The following LAMA1 variants were observed in gnomAD, a reference collection of about 807,000 sequenced individuals.
LAMA1 encodes the protein laminin subunit alpha 1.
A neutral mutation model predicts 348.7 loss-of-function variants in LAMA1; 219 were observed. The ratio of observed to expected loss-of-function variants is 0.63; its 90% CI spans 0.56 to 0.70. The LOEUF (loss-of-function observed/expected upper bound fraction) is 0.70, where lower values mean the gene tolerates loss of function less well. Ranked by LOEUF, LAMA1 falls within the 30% of genes least tolerant of loss-of-function variation. The probability of loss-of-function intolerance (pLI) is 0.00; values close to 1 mark genes in which losing one functional copy is unlikely to be tolerated. For synonymous variants in LAMA1, 1,487 were observed against 1,491.0 expected (o/e 1.00, Z 0.06); for missense variants, 3,744 against 3,888.0 (o/e 0.96, Z 0.99).
At chr18:7,098,988 C>T (rs1327859587) in intron 1 of LAMA1, among the ~76,000 whole-genome samples, 2 of 152,164 alleles carry the variant, frequency 1.3e-5, no homozygotes, top group African/African-American at 4.8e-5. Flanking sequence ...TCATTGAGAA[C>T]AGGCCATGAT....
At chr18:7,067,943 C>T (rs1170895331) in intron 3 of LAMA1, among the ~76,000 whole-genome samples, 1 of 151,946 alleles carries the variant, frequency 6.6e-6, no homozygotes, top group Non-Finnish European at 1.5e-5. Context: ...AAACTCTGCC[C>T]CCTGGGTTCA....
At position 7,037,670 on chromosome 18, in the gene LAMA1, G is replaced by A. The variant is rs771815058; in HGVS notation, c.1645C>T (p.Arg549Cys). The A allele has an allele frequency of 1.4e-5, 22 of 1,614,010 alleles. No homozygotes were observed. Among genetic ancestry groups the A allele is most frequent in the South Asian group, 3.3e-5 (3 of 91,086 alleles). The change falls in exon 12 of 63, where the codon CGC (arginine) becomes TGC (cysteine). Residue 549 changes from arginine (R) to cysteine (C), a missense_variant. By Grantham distance (180) the Arg-to-Cys change is radical (BLOSUM62 -3). Around this residue, in one of 3 missense-constraint regions of LAMA1, gnomAD observed 1,529 missense variants for 1,689.4 expected, o/e 0.91. Transcript: ENST00000389658. ...GTGTTGTTGATGCTGACCTGATGGC[G>A]CCCGCCTAGTGCATCTTGCTGAGAC... ...IPSQQDALGG[R>C]HQVSINNTAV...
intron 32 of LAMA1, among the ~76,000 whole-genome samples, 177 bp from the exon 33 acceptor site, chr18:6,998,061 G>A (rs532797225): frequency 1.3e-5 from 2 of 152,094 alleles, no homozygotes; most frequent in South Asian, 2.1e-4. Flanking sequence ...TGGGTGGCAC[G>A]GCAGGAAGTG....
At chr18:6,942,863 T>C (rs2057505463) in intron 62 of LAMA1, among the ~76,000 whole-genome samples, 1 of 152,170 alleles carries the variant, frequency 6.6e-6, no homozygotes, top group Admixed American at 6.5e-5. Context: ...CACAAGTTTG[T>C]TTCCTAAAAC....
In LAMA1 at chr18:7,008,599, G is replaced by A; in HGVS notation, c.4011C>T (p.Asp1337=). 2 of 1,613,954 alleles carry A rather than the reference G, an allele frequency of 1.2e-6. No individual in the cohort carries two copies. Among genetic ancestry groups the A allele is most frequent in the East Asian group, 4.5e-5 (2 of 44,854 alleles). ...CCTTTCTGCCAACCTCCATTGAAAT[G>A]TCTGAGATTCTGTGCAGCCATCATG... The part of the protein sequence containing the change: ...GQGLQQSRIS[D]ISMEVGRKAE... Residue 1337 remains aspartate, a synonymous_variant, in exon 28 of 63, where the codon GAC becomes GAT. Transcript: ENST00000389658.
At chr18:7,068,156 A>G (rs766497199) in intron 3 of LAMA1, among the ~76,000 whole-genome samples, 9 of 152,154 alleles carry the variant, frequency 5.9e-5, no homozygotes, top group South Asian at 4.1e-4. Flanking sequence ...CCCGGCCTGC[A>G]TTGTTTCTCT....
At chr18:7,005,474 C>T (rs1445295770) in intron 29 of LAMA1, among the ~76,000 whole-genome samples, 1 of 152,168 alleles carries the variant, frequency 6.6e-6, no homozygotes, top group Non-Finnish European at 1.5e-5. Context: ...GACAGCCGGG[C>T]GTGATGGCTC....
chr18:7,075,893 C>T lies in LAMA1; in HGVS notation c.345+4082G>A, dbSNP rs148228813. ...CAGAGGTTGCAGTGAGCCGAGATCACGCCAATGCACTCCAGCCTGGGCGAC... is the reference window on the plus strand; with the variant it reads ...CAGAGGTTGCAGTGAGCCGAGATCATGCCAATGCACTCCAGCCTGGGCGAC... On this transcript the variant is annotated intron_variant, in intron 3 of 62. Coordinates refer to ENST00000389658, the MANE Select transcript of LAMA1 (RefSeq NM_005559.4). Among the ~76,000 whole-genome samples, 636 of 151,180 alleles carry T rather than the reference C, an allele frequency of 4.2e-3. 5 individuals are homozygous for T. The highest frequency in any genetic ancestry group is 0.014 in the African/African-American group (572 of 41,120).
intron 3 of LAMA1, among the ~76,000 whole-genome samples, chr18:7,057,336 T>C (rs2058085662): frequency 6.6e-6 from 1 of 152,120 alleles, no homozygotes; most frequent in East Asian, 1.9e-4. Flanking sequence ...TCTTAAGCAC[T>C]ATGCTGCACT....
At chr18:6,965,242 T>A (rs754794367) in intron 50 of LAMA1, 46 bp downstream of exon 50, 1 of 1,612,562 alleles carries the variant, frequency 6.2e-7, no homozygotes, top group Admixed American at 1.7e-5. Context: ...AGATTTCTAT[T>A]CTTATGAGGG....
At chr18:7,031,686 A>AATAAATAAATAAATAAATAC (rs1326331529) in intron 16 of LAMA1, among the ~76,000 whole-genome samples, 2 of 151,800 alleles carry the variant, frequency 1.3e-5, no homozygotes, top group Non-Finnish European at 2.9e-5. Context: ...GTCTCAAATA[A>AATAAATAAATAAATAAATAC]ATAAATAAAT....
intron 61 of LAMA1, among the ~76,000 whole-genome samples, chr18:6,944,208 GTT>G (rs765908280): frequency 3.9e-5 from 6 of 152,108 alleles, no homozygotes; most frequent in Non-Finnish European, 8.8e-5. Flanking sequence ...TAGAGACAGG[GTT>G]TCACCATGTT....
chr18:7,098,175 C>T (rs2058270800), intron 1 of LAMA1, among the ~76,000 whole-genome samples: 1 of 151,926 alleles, frequency 6.6e-6, no homozygotes, highest in African/African-American at 2.4e-5. Flanking sequence ...GGCTGGAGTG[C>T]AGTGGCGTGA....
chr18:7,050,293 G>T (rs961301697), intron 4 of LAMA1, among the ~76,000 whole-genome samples: 1 of 152,134 alleles, frequency 6.6e-6, no homozygotes, highest in Non-Finnish European at 1.5e-5. Context: ...TGGGCATGTT[G>T]GGCACTAAGC....
chr18:7,025,900 G>T, intron 17 of LAMA1, 79 bp downstream of exon 17: 2 of 1,535,590 alleles, frequency 1.3e-6, no homozygotes, highest in Non-Finnish European at 1.8e-6. Flanking sequence ...ACACAGTCTT[G>T]CTCTGAAGTC....
At chr18:6,944,229 T>C (rs148684891) in intron 61 of LAMA1, among the ~76,000 whole-genome samples, 1,813 of 152,318 alleles carry the variant, frequency 0.012, 36 homozygotes, top group African/African-American at 0.041. Context: ...TTGGCCAGGC[T>C]GGTCTTGAAT....
At chr18:6,988,761 C>A (rs12604951) in intron 36 of LAMA1, among the ~76,000 whole-genome samples, 1 of 146,266 alleles carries the variant, frequency 6.8e-6, no homozygotes, top group Non-Finnish European at 1.5e-5. Context: ...GAGCTAAGAT[C>A]GCACCACTGA....
At chr18:7,070,649 G>T (rs914322271) in intron 3 of LAMA1, among the ~76,000 whole-genome samples, 1 of 152,096 alleles carries the variant, frequency 6.6e-6, no homozygotes, top group Non-Finnish European at 1.5e-5. Context: ...AGGCTCCTCT[G>T]TGATTATGTT....
chr18:7,046,170 T>C, intron 6 of LAMA1, 108 bp downstream of exon 6: 1 of 705,336 alleles, frequency 1.4e-6, no homozygotes, highest in South Asian at 1.8e-5. Flanking sequence ...TTTTGGAGCA[T>C]AATTTTATAC....
Sources: allele counts gnomAD v4.1 joint callset (sites outside exome capture counted in the v4.1 genomes callset), GRCh38; gene constraint gnomAD v4.1.1; regional missense constraint gnomAD v4.1.1; transcripts MANE v1.5; gene names NCBI Gene and HGNC (gene_info 2026-07-23, HGNC 2026-07-21).